Variants in CEACAM18 observed in about 807,000 individuals in gnomAD.
CEACAM18 encodes the protein CEA cell adhesion molecule 18.
A neutral mutation model predicts 34.3 loss-of-function variants in CEACAM18; 33 were observed. The ratio of observed to expected loss-of-function variants is 0.96; its 90% CI spans 0.73 to 1.29. The LOEUF (loss-of-function observed/expected upper bound fraction) is 1.29, where lower values mean the gene tolerates loss of function less well. CEACAM18 is among the 50% of genes most tolerant of loss of function. The probability of loss-of-function intolerance (pLI) is 0.00; values close to 1 mark genes in which losing one functional copy is unlikely to be tolerated. For synonymous variants in CEACAM18, 169 were observed against 180.9 expected (o/e 0.93, Z 0.53); for missense variants, 474 against 485.0 (o/e 0.98, Z 0.21).
At chr19:51,478,753 C>G in intron 1 of CEACAM18, 59 bp downstream of exon 1, 2 of 1,226,352 alleles carry the variant, frequency 1.6e-6, no homozygotes, top group South Asian at 2.6e-5. Context: ...CAGCTAGGAG[C>G]AAAGCGGCGG....
intron 1 of CEACAM18, 42 bp downstream of exon 1, chr19:51,478,736 G>C: frequency 1.5e-6 from 2 of 1,328,502 alleles, no homozygotes; most frequent in Non-Finnish European, 2.0e-6. Context: ...CAGGACTGAG[G>C]GAAGGGCAGC....
chr19:51,488,897 G>A (rs62116164), intron 5 of CEACAM18, among the ~76,000 whole-genome samples: 24,491 of 151,840 alleles, frequency 0.16, 2,139 homozygotes, highest in Middle Eastern at 0.27. Flanking sequence ...TATATTTTAC[G>A]ACTATCTTGA....
At chr19:51,490,664 T>C in exon 6 of CEACAM18, 2 of 1,224,498 alleles carry the variant, frequency 1.6e-6, no homozygotes, top group Non-Finnish European at 2.0e-6. Context: ...GAGAGGGTGA[T>C]GGAGAAGGGC....
chr19:51,480,631 G>A (rs1989897785), exon 2 of CEACAM18: 1 of 1,613,950 alleles, frequency 6.2e-7, no homozygotes, highest in Non-Finnish European at 8.5e-7. Flanking sequence ...CTGTTCGGGT[G>A]GTTGCAGGCA....
chr19:51,478,549 G>A (rs746114060), upstream of CEACAM18: 7 of 1,146,500 alleles, frequency 6.1e-6, no homozygotes, highest in African/African-American at 1.1e-4. Context: ...GAGACCGGCA[G>A]CCTCTGTGCC....
chr19:51,482,062 TA>T (rs1299231286), intron 3 of CEACAM18, among the ~76,000 whole-genome samples: 1 of 152,258 alleles, frequency 6.6e-6, no homozygotes, highest in Non-Finnish European at 1.5e-5. Flanking sequence ...TCTTTTCTAC[TA>T]AATTTAGTAT....
chr19:51,483,104 A>C lies in CEACAM18; in HGVS notation c.761A>C (p.Glu254Ala), dbSNP rs777082470. 8.1e-6 allele frequency: 13 copies of C among 1,613,872 alleles called. No individual in the cohort carries two copies. In the East Asian group the frequency reaches 2.9e-4, roughly 36 times the overall value. ...GAGATCGGCTCCCAAGTGGAAATGG[A>C]GTGTATCTGCTATTCCTTCCTGGAT... The change falls in exon 4 of 6, where the codon GAG becomes GCG. Residue 254 changes from glutamate (E) to alanine (A), a missense_variant. Glu to Ala is a moderately radical substitution (Grantham distance 107). Coordinates refer to ENST00000396477, the Ensembl canonical transcript of CEACAM18.
chr19:51,480,545 A>G (rs1989894260), exon 2 of CEACAM18: 4 of 1,613,986 alleles, frequency 2.5e-6, no homozygotes, highest in East Asian at 2.2e-5. Context: ...GCCCATGTAC[A>G]CTGGCAGGGA....
chr19:51,478,814 A>ACCCCT, intron 1 of CEACAM18, 120 bp downstream of exon 1: 1 of 678,586 alleles, frequency 1.5e-6, no homozygotes, highest in Non-Finnish European at 2.2e-6. Context: ...AAACTCCCAG[A>ACCCCT]GCAGGGGTCG....
At chr19:51,479,599 A>G (rs1419201077) in intron 1 of CEACAM18, among the ~76,000 whole-genome samples, 1 of 152,110 alleles carries the variant, frequency 6.6e-6, no homozygotes, top group Non-Finnish European at 1.5e-5. Context: ...GGAGCCCAGG[A>G]GGAGCTGGGG....
chr19:51,484,200 C>T (rs995046695), intron 4 of CEACAM18, among the ~76,000 whole-genome samples: 5 of 152,206 alleles, frequency 3.3e-5, no homozygotes, highest in African/African-American at 1.2e-4. Flanking sequence ...AGCCACACTA[C>T]CTCCTAAGCA....
chr19:51,481,324 C>T, intron 2 of CEACAM18, 69 bp from the exon 3 acceptor site: 7 of 1,504,868 alleles, frequency 4.7e-6, no homozygotes, highest in Non-Finnish European at 6.3e-6. Context: ...CAGAAGTCCC[C>T]TGGAGAGGAG....
intron 4 of CEACAM18, 54 bp from the exon 5 acceptor site, chr19:51,484,933 A>T: frequency 6.5e-7 from 1 of 1,533,520 alleles, no homozygotes; most frequent in Non-Finnish European, 8.7e-7. Context: ...GAGATGAGTG[A>T]ATGCATGAAT....
chr19:51,485,069 C>A, exon 5 of CEACAM18: 4 of 1,535,422 alleles, frequency 2.6e-6, no homozygotes, highest in Non-Finnish European at 3.5e-6. Context: ...TGCTGGGTGG[C>A]GTTTACATCT....
At chr19:51,483,195 G>A (rs1000624739) in exon 4 of CEACAM18, 30 of 1,613,816 alleles carry the variant, frequency 1.9e-5, no homozygotes, top group Non-Finnish European at 2.2e-5. Context: ...TGAACCTCTC[G>A]AGTCTTGCCT....
chr19:51,486,628 G>T (rs1358574497), intron 5 of CEACAM18, among the ~76,000 whole-genome samples: 2 of 151,958 alleles, frequency 1.3e-5, no homozygotes, highest in African/African-American at 4.8e-5. Context: ...CAGTCCTCAA[G>T]GACTCTCACA....
chr19:51,485,080 G>T, exon 5 of CEACAM18: 1 of 1,534,558 alleles, frequency 6.5e-7, no homozygotes, highest in South Asian at 1.2e-5. Flanking sequence ...GTTTACATCT[G>T]TGGAGTCCTG....
At chr19:51,483,022 C>T (rs747893220) in exon 4 of CEACAM18, 4 of 1,613,738 alleles carry the variant, frequency 2.5e-6, no homozygotes, top group Non-Finnish European at 3.4e-6. Context: ...TACAGATGGG[C>T]CCGACTATGT....
exon 6 of CEACAM18, chr19:51,490,680 G>A: frequency 8.5e-7 from 1 of 1,182,836 alleles, no homozygotes; most frequent in Non-Finnish European, 1.1e-6. Flanking sequence ...AGGGCTGGGG[G>A]TCCCCATAGG....
Sources: gnomAD v4.1 joint callset for allele counts (sites outside exome capture counted in the v4.1 genomes callset) on GRCh38, gnomAD v4.1.1 for gene constraint, MANE v1.5 for transcripts, NCBI Gene and HGNC (gene_info 2026-07-23, HGNC 2026-07-21) for gene names.